SLC13A3: variants seen among roughly 807,000 people sequenced by gnomAD.
The protein encoded by SLC13A3 is Na(+)/dicarboxylate cotransporter 3.
Under a neutral mutation model 59.0 loss-of-function variants are expected in SLC13A3, and 40 were observed. That is an observed-to-expected ratio of 0.68 (90% CI 0.53 to 0.88). SLC13A3 has a LOEUF of 0.88. Among genes scored for constraint, SLC13A3 ranks in the 40% least tolerant of loss-of-function variants. SLC13A3 has a pLI of 0.00. For synonymous variants in SLC13A3, 317 were observed against 330.3 expected, an observed-to-expected ratio of 0.96 and a Z score of 0.44; for missense variants, 699 against 783.2, an observed-to-expected ratio of 0.89 and a Z score of 1.28.
At chr20:46,586,381 G>A (rs187841355) in intron 8 of SLC13A3, among the ~76,000 whole-genome samples, 60 of 152,122 alleles carry the variant, frequency 3.9e-4, no homozygotes, top group African/African-American at 1.3e-3. Context: ...TGTTTCTCTG[G>A]TAAATTCATT....
At position 46,614,674 on chromosome 20, in the gene SLC13A3, G is replaced by A. The variant is rs548615533; in HGVS notation, c.112-949C>T. Among the ~76,000 whole-genome samples, 119 of 152,350 alleles carry A rather than the reference G, an allele frequency of 7.8e-4. 4 individuals carry two copies. The South Asian group carries it at 0.015, about 19-fold the overall frequency. ...TTATTCCTAACAAAATCCTAGTGATGTAGGTATGATTATTACCCCCATTTG... is the reference window on the plus strand; with the variant it reads ...TTATTCCTAACAAAATCCTAGTGATATAGGTATGATTATTACCCCCATTTG... On this transcript the variant is annotated intron_variant, in intron 1 of 12. Transcript: ENST00000279027.
At chr20:46,608,919 A>G (rs2062463276) in intron 3 of SLC13A3, 1 of 1,550,954 alleles carries the variant, frequency 6.4e-7, no homozygotes, top group East Asian at 2.4e-5. Flanking sequence ...ACCCGGCAGG[A>G]AGGACAGAAC....
upstream of SLC13A3, among the ~76,000 whole-genome samples, chr20:46,674,612 T>C (rs1285613942): frequency 4.0e-4 from 59 of 146,614 alleles, no homozygotes; most frequent in African/African-American, 1.5e-3. Flanking sequence ...CGCGTGTGTG[T>C]GTGTGTGTGT....
chr20:46,600,323 GA>G lies in SLC13A3; in HGVS notation c.542-287del, dbSNP rs374412566. On this transcript the variant is annotated intron_variant, in intron 3 of 12. Transcript: ENST00000279027. Reference sequence around the variant, plus strand: ...AGAAAGAAAGAAAGAGGGAAGGAAGGAAAGGAAGGAAGGAAGGAAAGGAAAA... The same window carrying G: ...AGAAAGAAAGAAAGAGGGAAGGAAGGAAGGAAGGAAGGAAGGAAAGGAAAA... Among the ~76,000 whole-genome samples the G allele has an allele frequency of 2.7e-3, 211 of 78,152 alleles. 1 individual carries two copies. Among genetic ancestry groups the G allele is most frequent in the African/African-American group, 9.3e-3 (153 of 16,390 alleles). The allele number at this position is 78,152 out of a possible 152,430, so 51.3% of individuals were successfully genotyped here.
chr20:46,566,104 C>G lies in SLC13A3; in HGVS notation c.1494+125G>C, dbSNP rs145941677. 1.6e-5 allele frequency: 12 copies of G among 738,126 alleles called. No individual in the cohort carries two copies. In the Admixed American group the frequency reaches 2.6e-4, roughly 16 times the overall value. The allele number at this position is 738,126 out of a possible 1,614,324, so 45.7% of individuals were successfully genotyped here. On this transcript the variant is annotated intron_variant, in intron 11 of 12. Coordinates refer to ENST00000279027, the MANE Select transcript of SLC13A3 (RefSeq NM_022829.6). ...AAAAAATTGTACTGTGGTTCTGATA[C>G]GTTCATGTATTTTGGAAGACAGCAA...
chr20:46,600,070 A>T (rs1192643921), intron 3 of SLC13A3, 33 bp from the exon 4 acceptor site: 3 of 1,519,514 alleles, frequency 2.0e-6, no homozygotes, highest in African/African-American at 1.4e-5. Flanking sequence ...CTTTAATGTA[A>T]TGTAGCGAAT....
intron 1 of SLC13A3, among the ~76,000 whole-genome samples, chr20:46,680,093 C>T (rs2063147055): frequency 6.6e-6 from 1 of 152,088 alleles, no homozygotes; most frequent in South Asian, 2.1e-4. Flanking sequence ...TCCTATTTTT[C>T]TGATGACATA....
At chr20:46,679,747 A>G (rs2063145146) in intron 1 of SLC13A3, among the ~76,000 whole-genome samples, 1 of 152,124 alleles carries the variant, frequency 6.6e-6, no homozygotes, top group Non-Finnish European at 1.5e-5. Flanking sequence ...GTCTTCACTA[A>G]AAATTCAAAA....
chr20:46,637,228 G>T (rs979831834), intron 1 of SLC13A3, among the ~76,000 whole-genome samples: 1 of 152,182 alleles, frequency 6.6e-6, no homozygotes, highest in Non-Finnish European at 1.5e-5. Flanking sequence ...GGTCCTGGGG[G>T]AAGCCGGCCC....
At chr20:46,588,313 A>C in intron 7 of SLC13A3, 150 bp from the exon 8 acceptor site, 1 of 534,678 alleles carries the variant, frequency 1.9e-6, no homozygotes, top group Non-Finnish European at 3.3e-6. Context: ...GGGAGTGCCC[A>C]GAGTGAGGGG....
chr20:46,604,009 CA>C (rs999067219), intron 3 of SLC13A3, among the ~76,000 whole-genome samples: 4 of 149,164 alleles, frequency 2.7e-5, no homozygotes, highest in African/African-American at 9.9e-5. Flanking sequence ...AAAAAAAAGA[CA>C]GAAAGAATTT....
At chr20:46,677,774 T>A (rs527607015) in intron 1 of SLC13A3, among the ~76,000 whole-genome samples, 2 of 152,156 alleles carry the variant, frequency 1.3e-5, no homozygotes, top group South Asian at 4.1e-4. Flanking sequence ...GGGACCAGCG[T>A]GATGACAAAC....
chr20:46,563,632 G>GAA, intron 11 of SLC13A3, 81 bp from the exon 12 acceptor site: 1 of 1,455,548 alleles, frequency 6.9e-7, no homozygotes, highest in Non-Finnish European at 9.3e-7. Flanking sequence ...GAGAGAGAGA[G>GAA]GCAGTTGGAA....
intron 4 of SLC13A3, among the ~76,000 whole-genome samples, chr20:46,597,590 C>T (rs1199482546): frequency 2.0e-5 from 3 of 152,160 alleles, no homozygotes; most frequent in Non-Finnish European, 4.4e-5. Context: ...GTGCCCACCA[C>T]CATGCCCAGC....
At chr20:46,589,046 G>T in intron 7 of SLC13A3, 114 bp downstream of exon 7, 1 of 861,594 alleles carries the variant, frequency 1.2e-6, no homozygotes. Flanking sequence ...CCACGCCACG[G>T]GTCCTGGAAT....
intron 10 of SLC13A3, among the ~76,000 whole-genome samples, chr20:46,569,157 T>G (rs2062008277): frequency 6.6e-6 from 1 of 152,098 alleles, no homozygotes; most frequent in Admixed American, 6.5e-5. Context: ...CTAAATTTTT[T>G]TAAGTGTTTT....
chr20:46,658,918 A>G lies in SLC13A3; in HGVS notation c.-31+11125T>C, dbSNP rs886648767. On this transcript the variant is annotated intron_variant, in intron 1 of 12. Coordinates refer to the SLC13A3 transcript ENST00000290317. ...CTATCATTCTAAAATCTCTCTCTTT[A>G]TCACCATAGATGCCCTTTGTGTTGA... Among the ~76,000 whole-genome samples the G allele has an allele frequency of 3.3e-5, 5 of 152,146 alleles. No homozygotes were observed. The East Asian group carries it at 9.6e-4, about 29-fold the overall frequency.
At chr20:46,621,728 C>T (rs1330210787) in intron 1 of SLC13A3, among the ~76,000 whole-genome samples, 1 of 152,134 alleles carries the variant, frequency 6.6e-6, no homozygotes, top group African/African-American at 2.4e-5. Context: ...TGGAACTTCC[C>T]GGCACATCAC....
At chr20:46,658,525 G>T (rs1178993294) in intron 1 of SLC13A3, among the ~76,000 whole-genome samples, 1 of 152,178 alleles carries the variant, frequency 6.6e-6, no homozygotes, top group Admixed American at 6.5e-5. Context: ...CAGAACAGAA[G>T]TGCATTGAGG....
Sources: allele counts gnomAD v4.1 joint callset (sites outside exome capture counted in the v4.1 genomes callset), GRCh38; gene constraint gnomAD v4.1.1; transcripts MANE v1.5; gene names NCBI Gene and HGNC (gene_info 2026-07-23, HGNC 2026-07-21).